Variants in ILDR2 observed in about 807,000 individuals in gnomAD.
The protein encoded by ILDR2 is immunoglobulin like domain containing receptor 2, also known as immunoglobulin-like domain-containing receptor 2.
A neutral mutation model predicts 66.8 loss-of-function variants in ILDR2; 25 were observed. The observed-to-expected ratio is 0.37, with a 90% confidence interval of 0.27 to 0.52. ILDR2 has a LOEUF of 0.52. ILDR2 is among the 20% of genes least tolerant of loss of function. The pLI, the probability that ILDR2 is intolerant of heterozygous loss-of-function variation, is 0.88. For synonymous variants in ILDR2, 367 were observed against 357.2 expected, an observed-to-expected ratio of 1.03 and a Z score of -0.31; for missense variants, 827 against 876.8, an observed-to-expected ratio of 0.94 and a Z score of 0.72.
intron 7 of ILDR2, among the ~76,000 whole-genome samples, chr1:166,924,273 T>C (rs1355755940): frequency 6.6e-6 from 1 of 152,370 alleles, no homozygotes; most frequent in Non-Finnish European, 1.5e-5. Flanking sequence ...TCCTTTCTCA[T>C]GATCCCCATG....
chr1:166,965,459 T>C (rs1662883539), intron 1 of ILDR2, among the ~76,000 whole-genome samples: 1 of 152,176 alleles, frequency 6.6e-6, no homozygotes, highest in South Asian at 2.1e-4. Flanking sequence ...TTTGGCATTA[T>C]GTAGGCACCC....
chr1:166,943,100 T>C (rs1661404782), intron 3 of ILDR2, among the ~76,000 whole-genome samples: 1 of 152,100 alleles, frequency 6.6e-6, no homozygotes, highest in Non-Finnish European at 1.5e-5. Context: ...TGCAGTAAAG[T>C]GGGTGAAATT....
intron 1 of ILDR2, among the ~76,000 whole-genome samples, chr1:166,958,691 A>C (rs1444386627): frequency 6.6e-6 from 1 of 152,162 alleles, no homozygotes; most frequent in African/African-American, 2.4e-5. Context: ...ACATCAACTT[A>C]ATCTCTTAAC....
chr1:166,910,567 GGC>G lies in ILDR2; in HGVS notation c.*8786_*8787del, dbSNP rs1659452397. 6.6e-6 allele frequency: 1 copy of G among 152,206 alleles called. No homozygotes were observed. The highest frequency in any genetic ancestry group is 2.4e-5 in the African/African-American group (1 of 41,448). 9.4% of individuals were successfully genotyped at this position (152,206 alleles called of 1,614,324 possible). On this transcript the variant is annotated 3_prime_UTR_variant, in exon 10 of 10. Transcript: ENST00000271417. ...CTCTCTTGGATGTGTGCCACTAGAT[GGC>G]GTGTCAGACCAACTCACTCACCTCT...
intron 1 of ILDR2, among the ~76,000 whole-genome samples, chr1:166,965,460 G>A (rs1470701274): frequency 6.6e-6 from 1 of 151,752 alleles, no homozygotes. Context: ...TTGGCATTAT[G>A]TAGGCACCCG....
chr1:166,934,895 CT>C (rs2101899548), intron 6 of ILDR2, among the ~76,000 whole-genome samples: 1 of 152,234 alleles, frequency 6.6e-6, no homozygotes, highest in East Asian at 1.9e-4. Flanking sequence ...TCTGATTATC[CT>C]AATAAAGGTC....
intron 3 of ILDR2, among the ~76,000 whole-genome samples, chr1:166,953,098 G>A (rs998220157): frequency 6.6e-6 from 1 of 152,092 alleles, no homozygotes; most frequent in African/African-American, 2.4e-5. Flanking sequence ...ATGTAACAGT[G>A]TCTTAATTTA....
intron 1 of ILDR2, among the ~76,000 whole-genome samples, chr1:166,970,478 A>C (rs1663219242): frequency 6.6e-6 from 1 of 152,172 alleles, no homozygotes; most frequent in African/African-American, 2.4e-5. Context: ...TTAGAGCTGA[A>C]GTTAACTTTA....
Position 166,918,758 on chromosome 1 carries a change from C to G in ILDR2, c.*597G>C, listed in dbSNP as rs1367046636. 1 of 153,848 alleles carries G rather than the reference C, an allele frequency of 6.5e-6. No individual in the cohort carries two copies. Among genetic ancestry groups the G allele is most frequent in the East Asian group, 1.9e-4 (1 of 5,232 alleles). 9.5% of individuals were successfully genotyped at this position (153,848 alleles called of 1,614,324 possible). A position where few individuals can be genotyped will look rare whatever the true frequency, so the allele number is the denominator to read the frequency against. On this transcript the variant is annotated 3_prime_UTR_variant, in exon 10 of 10. Transcript: ENST00000271417. ...ACTTAAGAATTGTCATTCAGAACAG[C>G]AGTGAAGTCATTTCTGTGATTGTCC...
intron 6 of ILDR2, among the ~76,000 whole-genome samples, chr1:166,932,350 A>C (rs1380819657): frequency 6.6e-6 from 1 of 152,218 alleles, no homozygotes; most frequent in Non-Finnish European, 1.5e-5. Context: ...GAAACATTTA[A>C]TATTCAAAAC....
At chr1:166,965,574 TTTTTTTTG>T (rs1662896033) in intron 1 of ILDR2, among the ~76,000 whole-genome samples, 1 of 147,452 alleles carries the variant, frequency 6.8e-6, no homozygotes, top group East Asian at 2.0e-4. Flanking sequence ...GGTTTTGTTT[TTTTTTTTG>T]TTTTTTTTTT....
chr1:166,897,396 T>A (rs1333648250), intron 2 of ILDR2, among the ~76,000 whole-genome samples: 1 of 152,180 alleles, frequency 6.6e-6, no homozygotes, highest in Non-Finnish European at 1.5e-5. Context: ...AGTGTCTTTG[T>A]TACTTATGCT....
At chr1:166,903,012 G>A (rs758357988) in intron 2 of ILDR2, among the ~76,000 whole-genome samples, 57 of 152,074 alleles carry the variant, frequency 3.7e-4, no homozygotes, top group African/African-American at 1.2e-3. Flanking sequence ...CACTGCCATC[G>A]TCTTATTCCA....
At position 166,913,346 on chromosome 1, in the gene ILDR2, T is replaced by C. The variant is rs955949574; in HGVS notation, c.*6009A>G. 2.0e-5 allele frequency: 3 copies of C among 152,188 alleles called. No homozygotes were observed. Among genetic ancestry groups the C allele is most frequent in the African/African-American group, 4.8e-5 (2 of 41,444 alleles). 9.4% of individuals were successfully genotyped at this position (152,188 alleles called of 1,614,324 possible). A position where few individuals can be genotyped will look rare whatever the true frequency, so the allele number is the denominator to read the frequency against. ...ACAAGGCACAAAGACAACTGACAGG[T>C]GGCCCTCACGAAGCCAACTTCTCAC... is the stretch of plus-strand genomic sequence containing the variant. On this transcript the variant is annotated 3_prime_UTR_variant, in exon 10 of 10. Transcript: ENST00000271417.
chr1:166,928,024 C>T (rs779576366), intron 6 of ILDR2, among the ~76,000 whole-genome samples: 1 of 152,070 alleles, frequency 6.6e-6, no homozygotes, highest in Non-Finnish European at 1.5e-5. Context: ...CCAATACCAG[C>T]CCCAAGAGTG....
chr1:166,934,597 G>A (rs1478292771), intron 6 of ILDR2, among the ~76,000 whole-genome samples: 2 of 152,148 alleles, frequency 1.3e-5, no homozygotes, highest in Admixed American at 6.5e-5. Flanking sequence ...AGATCTTCTG[G>A]AGGGGTTTCA....
downstream of ILDR2, among the ~76,000 whole-genome samples, chr1:166,906,823 C>T (rs1219300423): frequency 6.6e-6 from 1 of 152,168 alleles, no homozygotes; most frequent in Non-Finnish European, 1.5e-5. Context: ...TATGACGTGG[C>T]TGTATGTGAG....
At chr1:166,931,034 C>A (rs886844194) in intron 6 of ILDR2, among the ~76,000 whole-genome samples, 9 of 152,124 alleles carry the variant, frequency 5.9e-5, no homozygotes, top group African/African-American at 2.2e-4. Context: ...TCAGTCTGGC[C>A]CAAGTCATTT....
chr1:166,940,371 T>C (rs1451311486), intron 3 of ILDR2, among the ~76,000 whole-genome samples: 3 of 152,216 alleles, frequency 2.0e-5, no homozygotes, highest in Non-Finnish European at 4.4e-5. Flanking sequence ...CAGAAAGACA[T>C]GATGAATGCT....
Sources: allele counts gnomAD v4.1 joint callset (sites outside exome capture counted in the v4.1 genomes callset), GRCh38; gene constraint gnomAD v4.1.1; transcripts MANE v1.5; gene names NCBI Gene and HGNC (gene_info 2026-07-23, HGNC 2026-07-21).